Variants in SNX25 observed in about 807,000 individuals in gnomAD.
SNX25 encodes sorting nexin 25.
A neutral mutation model predicts 113.7 loss-of-function variants in SNX25; 62 were observed. That is an observed-to-expected ratio of 0.55 (90% CI 0.44 to 0.67). The LOEUF (loss-of-function observed/expected upper bound fraction) is 0.67, where lower values mean the gene tolerates loss of function less well. SNX25 is among the 30% of genes least tolerant of loss of function. SNX25 has a pLI of 0.00. For synonymous variants in SNX25, 421 were observed against 436.2 expected (o/e 0.97, Z 0.43); for missense variants, 1,014 against 1,161.0 (o/e 0.87, Z 1.84).
At chr4:185,356,304 T>C (rs546330215) in intron 15 of SNX25, among the ~76,000 whole-genome samples, 4 of 152,266 alleles carry the variant, frequency 2.6e-5, no homozygotes, top group South Asian at 2.1e-4. Flanking sequence ...CCTGGCCCCC[T>C]TTTTAAAAAT....
intron 9 of SNX25, 89 bp downstream of exon 9, chr4:185,323,889 T>C: frequency 7.3e-7 from 1 of 1,375,998 alleles, no homozygotes; most frequent in Non-Finnish European, 1.0e-6. Flanking sequence ...CCAAATTTGA[T>C]GCACATCTTC....
At chr4:185,378,116 T>A in the SNX25 span, 2 of 1,613,922 alleles carry the variant, frequency 1.2e-6, no homozygotes, top group Non-Finnish European at 1.7e-6. Flanking sequence ...AAATTTTTGG[T>A]TTTTAGCAGC....
At chr4:185,240,735 G>A (rs1254985377) in intron 1 of SNX25, among the ~76,000 whole-genome samples, 1 of 151,980 alleles carries the variant, frequency 6.6e-6, no homozygotes. Context: ...GTGGCTGCCG[G>A]GCGGAGACGC....
In SNX25 at chr4:185,288,012, G is replaced by A. The variant is rs371808234; in HGVS notation, c.1092G>A (p.Arg364=). ...TTTCTTTTCTCTTTTTAAAAATCAG[G>A]TATCAAATTGTAGTGGAAATAATCC... ...NSDVEFLKQL[R]YQIVVEIIQA... Residue 364 remains arginine, a splice_region_variant and synonymous_variant, in exon 6 of 19, where the codon AGG becomes AGA. Coordinates refer to ENST00000652585, the MANE Select transcript of SNX25 (RefSeq NM_001378034.2). The A allele has an allele frequency of 4.5e-5, 73 of 1,606,526 alleles. 1 individual carries two copies. In the African/African-American group the frequency reaches 6.7e-4, roughly 15 times the overall value.
At chr4:185,292,338 A>G (rs941888755) in intron 6 of SNX25, among the ~76,000 whole-genome samples, 15 of 152,152 alleles carry the variant, frequency 9.9e-5, no homozygotes, top group Non-Finnish European at 1.9e-4. Context: ...TCTTCCTATA[A>G]TCCCAGCACT....
chr4:185,369,926 A>G, exon 12 of SNX25: 1 of 292,198 alleles, frequency 3.4e-6, no homozygotes, highest in Non-Finnish European at 6.7e-6. Flanking sequence ...TCCCCCACTC[A>G]GGCTGAACAA....
At chr4:185,225,716 C>T (rs1353379283) in intron 1 of SNX25, among the ~76,000 whole-genome samples, 2 of 152,146 alleles carry the variant, frequency 1.3e-5, no homozygotes, top group Non-Finnish European at 2.9e-5. Flanking sequence ...GTATTAACTG[C>T]ATTACGTTAC....
At chr4:185,369,712 T>G in intron 11 of SNX25, 1 of 432,312 alleles carries the variant, frequency 2.3e-6, no homozygotes, top group South Asian at 1.7e-5. Flanking sequence ...TAAAGTAATT[T>G]AGGGTTCCCA....
At chr4:185,369,255 G>A (rs1232218953) in intron 11 of SNX25, among the ~76,000 whole-genome samples, 1 of 124,494 alleles carries the variant, frequency 8.0e-6, no homozygotes, top group African/African-American at 3.2e-5. Context: ...TTTTGAGACA[G>A]AGTCCCAGGC....
At chr4:185,295,965 G>A (rs994222453) in intron 6 of SNX25, 1 of 152,150 alleles carries the variant, frequency 6.6e-6, no homozygotes, top group Non-Finnish European at 1.5e-5. Flanking sequence ...ATAAAGAAGA[G>A]AAATTTATTT....
In SNX25 at chr4:185,346,586, C is replaced by T; in HGVS notation, c.2237C>T (p.Pro746Leu). ...KVQLPSLSKL[P>L]FKSIDQKFME... ...CAGTTGCCTTCTCTTAGCAAGCTGC[C>T]TTTCAAATCTATAGATCAAAAGTTT... Residue 746 changes from proline (P) to leucine (L), a missense_variant, in exon 13 of 19, where the codon CCT (proline) becomes CTT (leucine). Physicochemically the swap from Pro to Leu is moderately conservative, Grantham distance 98. Transcript: ENST00000652585. 1 of 1,596,260 alleles carries T rather than the reference C, an allele frequency of 6.3e-7. No homozygotes were observed. The highest frequency in any genetic ancestry group is 8.5e-7 in the Non-Finnish European group (1 of 1,175,118).
chr4:185,239,300 G>C (rs549086251), intron 1 of SNX25, among the ~76,000 whole-genome samples: 1 of 151,796 alleles, frequency 6.6e-6, no homozygotes, highest in Non-Finnish European at 1.5e-5. Flanking sequence ...TGGCCAACAC[G>C]GTGAAACTCC....
At chr4:185,323,437 C>A in intron 8 of SNX25, 91 bp from the exon 9 acceptor site, 1 of 1,303,282 alleles carries the variant, frequency 7.7e-7, no homozygotes, top group East Asian at 2.3e-5. Context: ...AAATGTCTTT[C>A]TTCTGACTTT....
chr4:185,345,762 C>T (rs745798947), intron 12 of SNX25, among the ~76,000 whole-genome samples: 7 of 151,878 alleles, frequency 4.6e-5, no homozygotes, highest in South Asian at 2.1e-4. Flanking sequence ...CTGCACTCAG[C>T]CTGGGTGGCA....
intron 16 of SNX25, among the ~76,000 whole-genome samples, chr4:185,359,842 A>G (rs796183075): frequency 7.9e-5 from 12 of 152,334 alleles, no homozygotes; most frequent in African/African-American, 2.9e-4. Flanking sequence ...TGGTGCATAC[A>G]TCGGGCAGTA....
intron 2 of SNX25, among the ~76,000 whole-genome samples, chr4:185,256,920 A>C (rs903583229): frequency 4.0e-4 from 61 of 151,994 alleles, no homozygotes; most frequent in African/African-American, 1.4e-3. Flanking sequence ...CACTGTGCCC[A>C]GCCAATTTAT....
chr4:185,360,415 TTG>T (rs1325141524), intron 16 of SNX25, among the ~76,000 whole-genome samples: 2 of 152,220 alleles, frequency 1.3e-5, no homozygotes, highest in African/African-American at 4.8e-5. Flanking sequence ...TTCTGAAACC[TTG>T]TGTTGTCCAT....
Position 185,363,142 on chromosome 4 carries a change from C to T in SNX25, c.2935-243C>T, listed in dbSNP as rs1460414799. Among the ~76,000 whole-genome samples the T allele has an allele frequency of 6.6e-6, 1 of 152,112 alleles. No homozygotes were observed. Among genetic ancestry groups the T allele is most frequent in the Non-Finnish European group, 1.5e-5 (1 of 68,028 alleles). ...ACAGGCGGGAGCCACCTCGCCCATCCTCCCTTGACTTTTGATATCACATTG... is the reference window on the plus strand; with the variant it reads ...ACAGGCGGGAGCCACCTCGCCCATCTTCCCTTGACTTTTGATATCACATTG... On this transcript the variant is annotated intron_variant, in intron 18 of 18. Transcript: ENST00000652585. The surrounding 1 kb of genome is among the most constrained non-coding windows in gnomAD (Gnocchi z 4.2).
chr4:185,302,859 G>C (rs1319013523), intron 6 of SNX25, among the ~76,000 whole-genome samples: 2 of 152,192 alleles, frequency 1.3e-5, no homozygotes, highest in Non-Finnish European at 2.9e-5. Flanking sequence ...ACTACCTCCA[G>C]TGCCTGCTGT....
Sources: gnomAD v4.1 joint callset for allele counts (sites outside exome capture counted in the v4.1 genomes callset) on GRCh38, gnomAD v4.1.1 for gene constraint, Gnocchi (gnomAD v3.1) non-coding constraint, MANE v1.5 for transcripts, NCBI Gene and HGNC (gene_info 2026-07-23, HGNC 2026-07-21) for gene names.